JMJD1C: variants seen among roughly 807,000 people sequenced by gnomAD.
The protein encoded by JMJD1C is jumonji domain containing 1C.
JMJD1C carries 31 observed loss-of-function variants against 245.3 expected under a neutral mutation model. The ratio of observed to expected loss-of-function variants is 0.13; its 90% CI spans 0.09 to 0.17. JMJD1C has a LOEUF of 0.17. JMJD1C is among the 10% of genes least tolerant of loss of function. The pLI is 1.00. For missense variants in JMJD1C, 2,691 were observed against 3,000.2 expected, an observed-to-expected ratio of 0.90 and a Z score of 2.41; for synonymous variants, 1,057 against 1,017.4, an observed-to-expected ratio of 1.04 and a Z score of -0.74.
chr10:63,305,629 C>CGCGTGTGTGTGTGT (rs1554880823), intron 2 of JMJD1C, among the ~76,000 whole-genome samples: 1 of 121,682 alleles, frequency 8.2e-6, no homozygotes, highest in African/African-American at 2.9e-5. Flanking sequence ...ACCATGCTGG[C>CGCGTGTGTGTGTGT]GTGTGTGTGT....
chr10:63,335,737 C>T (rs1189202859), intron 2 of JMJD1C, among the ~76,000 whole-genome samples: 1 of 152,126 alleles, frequency 6.6e-6, no homozygotes, highest in Non-Finnish European at 1.5e-5. Context: ...TCTTGAACTC[C>T]TGACATCAAG....
chr10:63,392,214 C>T (rs1948107624), intron 1 of JMJD1C, among the ~76,000 whole-genome samples: 3 of 152,150 alleles, frequency 2.0e-5, no homozygotes, highest in South Asian at 4.2e-4. Flanking sequence ...ATACAAAATT[C>T]AACTCAGGAT....
chr10:63,345,623 A>G (rs537829593), intron 2 of JMJD1C, among the ~76,000 whole-genome samples: 1 of 152,194 alleles, frequency 6.6e-6, no homozygotes, highest in African/African-American at 2.4e-5. Flanking sequence ...CATTTATACA[A>G]TGATCTGAAA....
chr10:63,443,703 A>C (rs577228587), intron 1 of JMJD1C, among the ~76,000 whole-genome samples: 2 of 152,268 alleles, frequency 1.3e-5, no homozygotes, highest in Admixed American at 6.5e-5. Context: ...CTCTATCTCC[A>C]GTCACTCCCC....
intron 2 of JMJD1C, among the ~76,000 whole-genome samples, chr10:63,273,547 C>G (rs1365266240): frequency 6.6e-6 from 1 of 152,250 alleles, no homozygotes; most frequent in Non-Finnish European, 1.5e-5. Context: ...ATGGTAGATC[C>G]CACCTTTCAC....
At chr10:63,219,011 G>A (rs1848301977) in intron 4 of JMJD1C, among the ~76,000 whole-genome samples, 2 of 152,156 alleles carry the variant, frequency 1.3e-5, no homozygotes, top group African/African-American at 2.4e-5. Context: ...ATAGAAGGGG[G>A]TATGGATAGC....
intron 1 of JMJD1C, among the ~76,000 whole-genome samples, chr10:63,431,740 G>A (rs1017698131): frequency 6.6e-6 from 1 of 152,202 alleles, no homozygotes; most frequent in Non-Finnish European, 1.5e-5. Context: ...GCGGCCGGGC[G>A]CAGTGGCGCA....
Position 63,215,633 on chromosome 10 carries a change from GAAC to G in JMJD1C, c.739_741del (p.Val247del), listed in dbSNP as rs1281084859. 6.2e-7 allele frequency: 1 copy of G among 1,610,316 alleles called. No homozygotes were observed. Among genetic ancestry groups the G allele is most frequent in the Non-Finnish European group, 8.5e-7 (1 of 1,176,924 alleles). On this transcript the variant is annotated inframe_deletion, in exon 6 of 26. Coordinates refer to ENST00000399262, the MANE Select transcript of JMJD1C (RefSeq NM_032776.3). ...ATATTTTCACCTTTTAACAAAGAGT[GAAC>G]AACATCATCTAGAAAGGTCATTTGA...
chr10:63,316,062 C>T (rs1335867339), intron 2 of JMJD1C, among the ~76,000 whole-genome samples: 1 of 152,016 alleles, frequency 6.6e-6, no homozygotes, highest in Non-Finnish European at 1.5e-5. Flanking sequence ...GTTCCATCTA[C>T]TTGGGAGGGT....
intron 3 of JMJD1C, among the ~76,000 whole-genome samples, chr10:63,238,788 G>A (rs1851104615): frequency 6.6e-6 from 1 of 152,160 alleles, no homozygotes; most frequent in Non-Finnish European, 1.5e-5. Context: ...TGTGGGACTA[G>A]GAGGCTCTCA....
chr10:63,329,279 C>CA lies in JMJD1C; in HGVS notation c.333+51038dup, dbSNP rs570676884. 7.2e-3 allele frequency among the ~76,000 whole-genome samples: 884 copies of CA among 122,260 alleles called. 7 individuals are homozygous for CA. Among genetic ancestry groups the CA allele is most frequent in the African/African-American group, 0.022 (707 of 32,790 alleles). The allele number at this position is 122,260 out of a possible 152,430, so 80.2% of individuals were successfully genotyped here. ...CCTAGGCAACAGGGAGACCTTATTT[C>CA]AAAAAAAAAAAAGAAAGAAAGAAAG... is the stretch of plus-strand genomic sequence containing the variant. On this transcript the variant is annotated intron_variant, in intron 2 of 25. Transcript: ENST00000399262.
intron 3 of JMJD1C, among the ~76,000 whole-genome samples, chr10:63,244,899 G>A (rs1483451250): frequency 1.3e-5 from 2 of 151,968 alleles, no homozygotes; most frequent in African/African-American, 2.4e-5. Flanking sequence ...CACTTTGGGA[G>A]GCCAAGGCAG....
intron 1 of JMJD1C, among the ~76,000 whole-genome samples, chr10:63,502,060 A>C (rs924486463): frequency 3.9e-5 from 6 of 152,246 alleles, no homozygotes; most frequent in Non-Finnish European, 7.3e-5. Context: ...CCAAATGGCT[A>C]CCAAGGAAAT....
intron 1 of JMJD1C, among the ~76,000 whole-genome samples, chr10:63,401,009 C>G (rs1253211577): frequency 6.6e-6 from 1 of 152,024 alleles, no homozygotes; most frequent in Non-Finnish European, 1.5e-5. Flanking sequence ...CAGGTGCCCT[C>G]CACCACACCC....
At chr10:63,190,089 G>T (rs932253915) in intron 17 of JMJD1C, among the ~76,000 whole-genome samples, 13 of 151,850 alleles carry the variant, frequency 8.6e-5, no homozygotes, top group African/African-American at 3.1e-4. Context: ...GTAGAGACAG[G>T]GTTTCACCAT....
chr10:63,234,302 TG>T (rs1850387306), intron 3 of JMJD1C, among the ~76,000 whole-genome samples: 1 of 151,636 alleles, frequency 6.6e-6, no homozygotes, highest in South Asian at 2.1e-4. Context: ...GAGACCAGCC[TG>T]GGCAACATGG....
intron 1 of JMJD1C, among the ~76,000 whole-genome samples, chr10:63,496,710 TG>T (rs1197440485): frequency 6.6e-6 from 1 of 152,224 alleles, no homozygotes; most frequent in African/African-American, 2.4e-5. Flanking sequence ...CCCCACCTAA[TG>T]CCATGTGATT....
At chr10:63,420,431 T>C (rs1343078554) in intron 1 of JMJD1C, among the ~76,000 whole-genome samples, 1 of 151,960 alleles carries the variant, frequency 6.6e-6, no homozygotes, top group Non-Finnish European at 1.5e-5. Context: ...GCATGGGGGC[T>C]CACATTCTGT....
intron 1 of JMJD1C, among the ~76,000 whole-genome samples, chr10:63,431,091 T>C (rs961841450): frequency 2.0e-5 from 3 of 152,174 alleles, no homozygotes; most frequent in Non-Finnish European, 2.9e-5. Context: ...CCAGTGCAGA[T>C]GGTCATGAAA....
Sources: gnomAD v4.1 joint callset for allele counts (sites outside exome capture counted in the v4.1 genomes callset) on GRCh38, gnomAD v4.1.1 for gene constraint, MANE v1.5 for transcripts, NCBI Gene and HGNC (gene_info 2026-07-23, HGNC 2026-07-21) for gene names.